IL1RAPL1: variants seen among roughly 807,000 people sequenced by gnomAD.
IL1RAPL1 encodes the protein interleukin 1 receptor accessory protein like 1.
Under a neutral mutation model 48.4 loss-of-function variants are expected in IL1RAPL1, and 3 were observed. That is an observed-to-expected ratio of 0.06 (90% confidence interval 0.03 to 0.16). IL1RAPL1 has a LOEUF of 0.16. Ranked by LOEUF, IL1RAPL1 falls within the 10% of genes least tolerant of loss-of-function variation. The pLI, the probability that IL1RAPL1 is intolerant of heterozygous loss-of-function variation, is 1.00. For missense variants in IL1RAPL1, 349 were observed against 530.6 expected, an observed-to-expected ratio of 0.66 and a Z score of 3.36; for synonymous variants, 185 against 187.7, an observed-to-expected ratio of 0.99 and a Z score of 0.12.
rs189434764 is a variant in IL1RAPL1 at position 29,431,685 on chromosome X, T to G, written c.703+32377T>G. Among the ~76,000 whole-genome samples, 777 of 111,490 alleles carry G rather than the reference T, an allele frequency of 7.0e-3. 4 individuals are homozygous for G. Among genetic ancestry groups the G allele is most frequent in the Admixed American group, 0.012 (122 of 10,417 alleles). On this transcript the variant is annotated intron_variant, in intron 5 of 10. Coordinates refer to ENST00000378993, the MANE Select transcript of IL1RAPL1 (RefSeq NM_014271.4). ...TAAAGATTCTCAAAACCTCTGTAATTTTTTTTCCCATTACCAACATCATTC... is the reference window on the plus strand; with the variant it reads ...TAAAGATTCTCAAAACCTCTGTAATGTTTTTTCCCATTACCAACATCATTC...
In IL1RAPL1 at chrX:29,806,473, C is replaced by G. The variant is rs768154926; in HGVS notation, c.779-110991C>G. On this transcript the variant is annotated intron_variant, in intron 6 of 10. Coordinates refer to ENST00000378993, the MANE Select transcript of IL1RAPL1 (RefSeq NM_014271.4). ...TCTTCCTAAACTTGACAAAGTTATT[C>G]CTAAGTGCATCTGAAAAATATAGCA... is the stretch of plus-strand genomic sequence containing the variant. 1.7e-3 allele frequency among the ~76,000 whole-genome samples: 190 copies of G among 109,622 alleles called. 2 individuals carry two copies. Among genetic ancestry groups the G allele is most frequent in the Admixed American group, 2.9e-3 (30 of 10,237 alleles).
intron 5 of IL1RAPL1, among the ~76,000 whole-genome samples, chrX:29,418,118 TATA>T (rs1221367487): frequency 0.023 from 807 of 35,194 alleles, 12 homozygotes; most frequent in Non-Finnish European, 0.03. Flanking sequence ...TATATATATA[TATA>T]TATATTTTTT....
intron 2 of IL1RAPL1, among the ~76,000 whole-genome samples, chrX:28,966,743 G>A (rs912854461): frequency 1.8e-5 from 2 of 111,807 alleles, no homozygotes; most frequent in African/African-American, 6.5e-5. Context: ...AAATTTTAAT[G>A]TAAACGTCTA....
intron 5 of IL1RAPL1, among the ~76,000 whole-genome samples, chrX:29,601,445 A>T (rs1463939382): frequency 8.9e-6 from 1 of 111,855 alleles, no homozygotes; most frequent in Non-Finnish European, 1.9e-5. Flanking sequence ...TTTAGTAGTA[A>T]ATCCCACAGA....
At chrX:29,501,251 TCTTTA>T (rs1363612381) in intron 5 of IL1RAPL1, among the ~76,000 whole-genome samples, 2 of 111,651 alleles carry the variant, frequency 1.8e-5, no homozygotes, top group East Asian at 5.6e-4. Context: ...ATGTGTTGTC[TCTTTA>T]CTTTGTTGAT....
intron 3 of IL1RAPL1, among the ~76,000 whole-genome samples, chrX:29,294,467 G>A (rs1396346638): frequency 4.7e-5 from 5 of 106,294 alleles, no homozygotes; most frequent in African/African-American, 6.9e-5. Context: ...GGCAGAGCTT[G>A]CACTAAGCCA....
intron 2 of IL1RAPL1, among the ~76,000 whole-genome samples, chrX:29,091,841 C>G (rs2147456713): frequency 9.0e-6 from 1 of 111,363 alleles, no homozygotes; most frequent in Admixed American, 9.6e-5. Context: ...GTTCCAAAAA[C>G]TTTTTGTTTT....
intron 2 of IL1RAPL1, among the ~76,000 whole-genome samples, chrX:29,196,256 G>T (rs1397134942): frequency 3.6e-5 from 4 of 112,174 alleles, no homozygotes; most frequent in Non-Finnish European, 7.5e-5. Flanking sequence ...GCTACCTAGA[G>T]AATGTTTCTC....
intron 2 of IL1RAPL1, among the ~76,000 whole-genome samples, chrX:28,987,706 G>A (rs183932062): frequency 1.8e-5 from 2 of 112,050 alleles, no homozygotes; most frequent in African/African-American, 6.5e-5. Flanking sequence ...AAATAGAGAA[G>A]CAGAAATCTT....
intron 6 of IL1RAPL1, among the ~76,000 whole-genome samples, chrX:29,787,627 A>G (rs888975288): frequency 8.9e-5 from 10 of 112,019 alleles, no homozygotes; most frequent in Non-Finnish European, 1.5e-4. Flanking sequence ...CTTTAGTGTT[A>G]TAGAAGATCT....
intron 2 of IL1RAPL1, among the ~76,000 whole-genome samples, chrX:28,831,026 CTGTGTGTGTGTGTGTGTG>C (rs57923954): frequency 0.02 from 672 of 33,618 alleles, 23 homozygotes; most frequent in African/African-American, 0.067. Context: ...CTCTCTCTCT[CTGTGTGTGTGTGTGTGTG>C]TGTGTGTGTG....
intron 6 of IL1RAPL1, among the ~76,000 whole-genome samples, chrX:29,768,533 C>T (rs1355484632): frequency 9.0e-6 from 1 of 111,712 alleles, no homozygotes; most frequent in Non-Finnish European, 1.9e-5. Flanking sequence ...TGGTACGTTA[C>T]TGAGGAATAA....
At chrX:29,918,144 A>AAAAAAAAAAAAATATATATAT (rs1555935868) in intron 7 of IL1RAPL1, among the ~76,000 whole-genome samples, 1 of 23,761 alleles carries the variant, frequency 4.2e-5, no homozygotes, top group Admixed American at 5.8e-4. Flanking sequence ...AAAAAAAAAA[A>AAAAAAAAAAAAATATATATAT]ATATATATAT....
intron 1 of IL1RAPL1, among the ~76,000 whole-genome samples, chrX:28,720,559 T>C (rs753193971): frequency 2.2e-4 from 25 of 112,331 alleles, no homozygotes; most frequent in Non-Finnish European, 4.5e-4. Context: ...AAATTTCTGA[T>C]TTGAGATATT....
Position 29,254,870 on chromosome X carries a change from T to TAA in IL1RAPL1, c.83-28067_83-28066insAA, listed in dbSNP as rs375200623. On this transcript the variant is annotated intron_variant, in intron 2 of 10. Transcript: ENST00000378993. ...TTGTTTGTAAAAGTGTATCTGTTGA[T>TAA]AGATTTCTGATTTTGCTGCTTTTCA... is the stretch of plus-strand genomic sequence containing the variant. 2.8e-3 allele frequency among the ~76,000 whole-genome samples: 314 copies of TAA among 112,212 alleles called. 1 individual carries two copies. Among genetic ancestry groups the TAA allele is most frequent in the African/African-American group, 9.1e-3 (282 of 30,971 alleles).
At chrX:29,708,389 G>GC (rs1167964743) in intron 6 of IL1RAPL1, among the ~76,000 whole-genome samples, 2 of 111,308 alleles carry the variant, frequency 1.8e-5, no homozygotes, top group East Asian at 5.6e-4. Context: ...ATTACCTCCT[G>GC]CCCCCCTCTG....
At chrX:29,185,702 A>G (rs773655187) in intron 2 of IL1RAPL1, among the ~76,000 whole-genome samples, 8 of 112,029 alleles carry the variant, frequency 7.1e-5, no homozygotes, top group Middle Eastern at 4.6e-3. Context: ...GTGATTTACA[A>G]TGTAACAGAG....
chrX:29,352,250 G>C (rs1205429125), intron 3 of IL1RAPL1, among the ~76,000 whole-genome samples: 1 of 110,809 alleles, frequency 9.0e-6, no homozygotes, highest in Non-Finnish European at 1.9e-5. Flanking sequence ...ATTTCTTTTT[G>C]TGTTTAGTTG....
rs747219993 is a variant in IL1RAPL1, at chrX:29,148,651, CA to C, written c.83-134282del. On this transcript the variant is annotated intron_variant, in intron 2 of 10. Coordinates refer to ENST00000378993, the MANE Select transcript of IL1RAPL1 (RefSeq NM_014271.4). ...GCAAGATACCTTCTTTACTTGGCAA[CA>C]AAAACCACATTGAAACAATCGTATT... Among the ~76,000 whole-genome samples, 719 of 111,872 alleles carry C rather than the reference CA, an allele frequency of 6.4e-3. 7 individuals carry two copies. Among genetic ancestry groups the C allele is most frequent in the African/African-American group, 0.022 (674 of 30,864 alleles).
Sources: gnomAD v4.1 joint callset for allele counts (sites outside exome capture counted in the v4.1 genomes callset) on GRCh38, gnomAD v4.1.1 for gene constraint, MANE v1.5 for transcripts, NCBI Gene and HGNC (gene_info 2026-07-23, HGNC 2026-07-21) for gene names.